CALN1: variants seen among roughly 807,000 people sequenced by gnomAD.
CALN1 encodes the protein calneuron 1, also known as calcium-binding protein 8.
In CALN1, 17 loss-of-function variants were observed where a neutral mutation model predicts 30.6. The ratio of observed to expected loss-of-function variants is 0.56; its 90% confidence interval spans 0.38 to 0.83. The LOEUF (loss-of-function observed/expected upper bound fraction) is 0.83, where lower values mean the gene tolerates loss of function less well. CALN1 is among the 40% of genes least tolerant of loss of function. The pLI is 0.00. For synonymous variants in CALN1, 156 were observed against 131.4 expected, an observed-to-expected ratio of 1.19 and a Z score of -1.28; for missense variants, 291 against 354.9, an observed-to-expected ratio of 0.82 and a Z score of 1.45.
rs145986448 is a variant in CALN1 at position 72,067,543 on chromosome 7, C to G, written c.388+38608G>C. ...GGAATTACAGGCATGAGCAACCACT[C>G]TCAGCCACTCCATAATTTTTCTATG... On this transcript the variant is annotated intron_variant, in intron 4 of 6. Transcript: ENST00000395275. Among the ~76,000 whole-genome samples, 50 of 152,336 alleles carry G rather than the reference C, an allele frequency of 3.3e-4. 1 individual carries two copies. In the Middle Eastern group the frequency reaches 0.01, roughly 31 times the overall value.
the CALN1 span, among the ~76,000 whole-genome samples, chr7:72,459,193 C>T: frequency 6.6e-6 from 1 of 151,986 alleles, no homozygotes; most frequent in Non-Finnish European, 1.5e-5. Context: ...CATGAACCAC[C>T]GCGCCTGGTC....
At chr7:71,846,469 C>T (rs1020776056) in intron 5 of CALN1, among the ~76,000 whole-genome samples, 3 of 152,086 alleles carry the variant, frequency 2.0e-5, no homozygotes, top group Non-Finnish European at 2.9e-5. Context: ...GGAAGCTGTA[C>T]TAGTCGGGTT....
intron 5 of CALN1, among the ~76,000 whole-genome samples, chr7:71,880,195 G>C (rs1352284749): frequency 6.6e-6 from 1 of 152,164 alleles, no homozygotes; most frequent in African/African-American, 2.4e-5. Flanking sequence ...AATTGCTCAA[G>C]GTTGATTAGT....
chr7:72,086,171 T>C (rs529159772), intron 4 of CALN1, among the ~76,000 whole-genome samples: 1 of 152,310 alleles, frequency 6.6e-6, no homozygotes, highest in Admixed American at 6.5e-5. Flanking sequence ...TTGGATCCAC[T>C]AAAGAAAATG....
intron 3 of CALN1, among the ~76,000 whole-genome samples, chr7:72,219,964 A>G (rs1793154379): frequency 2.0e-5 from 3 of 152,136 alleles, no homozygotes; most frequent in Admixed American, 2.0e-4. Context: ...CAACCTCACT[A>G]GTAGTCAAAG....
chr7:72,491,991 A>G, the CALN1 span, among the ~76,000 whole-genome samples: 2 of 152,192 alleles, frequency 1.3e-5, no homozygotes, highest in African/African-American at 4.8e-5. Flanking sequence ...GAGGCCAAAC[A>G]AGGGACTCCA....
In CALN1 at chr7:71,939,091, C is replaced by A. The variant is rs1338116013; in HGVS notation, c.501+84566G>T. 1.1e-4 allele frequency among the ~76,000 whole-genome samples: 17 copies of A among 152,162 alleles called. No homozygotes were observed. In the South Asian group the frequency reaches 2.1e-3, roughly 19 times the overall value. On this transcript the variant is annotated intron_variant, in intron 5 of 6. Coordinates refer to ENST00000395275, the MANE Select transcript of CALN1 (RefSeq NM_031468.4). ...ATGTTCTAATAAAAGAATAAGAGGGCAGACTAAAGACAGCATGCATTTTAA... is the reference window on the plus strand; with the variant it reads ...ATGTTCTAATAAAAGAATAAGAGGGAAGACTAAAGACAGCATGCATTTTAA...
intron 3 of CALN1, among the ~76,000 whole-genome samples, chr7:72,229,542 T>C (rs1793931754): frequency 6.6e-6 from 1 of 151,974 alleles, no homozygotes; most frequent in Non-Finnish European, 1.5e-5. Flanking sequence ...CAAATGCCCA[T>C]CAATGATAAA....
intron 2 of CALN1, among the ~76,000 whole-genome samples, chr7:72,352,334 A>G (rs561844908): frequency 1.3e-5 from 2 of 149,902 alleles, no homozygotes; most frequent in South Asian, 4.2e-4. Context: ...GGTTGCAGTG[A>G]GACACTATTG....
chr7:72,366,309 G>A (rs1311699347), intron 2 of CALN1, among the ~76,000 whole-genome samples: 1 of 152,008 alleles, frequency 6.6e-6, no homozygotes. Flanking sequence ...AAGTAGCTGG[G>A]ATTACAGGTG....
chr7:72,429,210 G>T (rs1159659777), intron 1 of CALN1, among the ~76,000 whole-genome samples: 2 of 152,190 alleles, frequency 1.3e-5, no homozygotes, highest in Non-Finnish European at 2.9e-5. Context: ...CCAACCTCAA[G>T]TGGATTCAGA....
At chr7:72,499,891 TTCTTTCTTTCTTTCTTTCTTTC>T in the CALN1 span, among the ~76,000 whole-genome samples, 3 of 56,040 alleles carry the variant, frequency 5.4e-5, no homozygotes, top group African/African-American at 2.8e-4. Context: ...CTTTCTTTCT[TTCTTTCTTTCTTTCTTTCTTTC>T]TATCTTTCTC....
intron 5 of CALN1, among the ~76,000 whole-genome samples, chr7:71,882,151 A>G (rs1340989440): frequency 6.6e-6 from 1 of 152,096 alleles, no homozygotes; most frequent in Admixed American, 6.5e-5. Flanking sequence ...GGCAGAATCC[A>G]TTTCCTCGCT....
At chr7:72,230,245 G>C (rs1015414167) in intron 3 of CALN1, among the ~76,000 whole-genome samples, 4 of 151,240 alleles carry the variant, frequency 2.6e-5, no homozygotes, top group African/African-American at 9.7e-5. Flanking sequence ...TGCACGTTCT[G>C]CACATGTATC....
At chr7:71,840,007 G>A (rs932419314) in intron 5 of CALN1, among the ~76,000 whole-genome samples, 1 of 152,174 alleles carries the variant, frequency 6.6e-6, no homozygotes, top group Non-Finnish European at 1.5e-5. Context: ...GGCAGGGAGA[G>A]GGGGCTCAAA....
At chr7:71,797,345 A>G (rs1422293107) in intron 6 of CALN1, among the ~76,000 whole-genome samples, 3 of 152,156 alleles carry the variant, frequency 2.0e-5, no homozygotes, top group Non-Finnish European at 2.9e-5. Flanking sequence ...TCTGGGAGCT[A>G]TTTTTGCTCT....
intron 2 of CALN1, among the ~76,000 whole-genome samples, chr7:72,332,230 G>A (rs1801728596): frequency 6.6e-6 from 1 of 152,178 alleles, no homozygotes; most frequent in Non-Finnish European, 1.5e-5. Flanking sequence ...TAGGCAATGT[G>A]TGCAAGGTAG....
rs188134208 is a variant in CALN1 at position 72,195,906 on chromosome 7, A to G, written c.244+82780T>C. Among the ~76,000 whole-genome samples, 57 of 152,368 alleles carry G rather than the reference A, an allele frequency of 3.7e-4. No individual in the cohort carries two copies. The East Asian group carries it at 9.6e-3, about 26-fold the overall frequency. On this transcript the variant is annotated intron_variant, in intron 3 of 6. Transcript: ENST00000395275. Reference sequence around the variant, plus strand: ...CAATGGAATATGATTCAGCCATAAAAAGAAATGAGGTACTGATACATGCTA... The same window carrying G: ...CAATGGAATATGATTCAGCCATAAAGAGAAATGAGGTACTGATACATGCTA...
intron 4 of CALN1, among the ~76,000 whole-genome samples, chr7:72,084,957 T>C (rs1457103103): frequency 6.6e-6 from 1 of 152,162 alleles, no homozygotes; most frequent in Non-Finnish European, 1.5e-5. Context: ...GCCAGAGACG[T>C]GAATCACTCC....
Sources: allele counts gnomAD v4.1 joint callset (sites outside exome capture counted in the v4.1 genomes callset), GRCh38; gene constraint gnomAD v4.1.1; transcripts MANE v1.5; gene names NCBI Gene and HGNC (gene_info 2026-07-23, HGNC 2026-07-21).